Variants in RUNX3 observed in about 807,000 individuals in gnomAD.
RUNX3 encodes the protein RUNX family transcription factor 3.
In RUNX3, 10 loss-of-function variants were observed where a neutral mutation model predicts 27.7. The observed-to-expected ratio is 0.36, with a 90% confidence interval of 0.22 to 0.61. RUNX3 has a LOEUF of 0.61. RUNX3 is among the 20% of genes least tolerant of loss of function. RUNX3 has a pLI of 0.72. For synonymous variants in RUNX3, 270 were observed against 269.2 expected, an observed-to-expected ratio of 1.00 and a Z score of -0.03; for missense variants, 469 against 629.5, an observed-to-expected ratio of 0.75 and a Z score of 2.73.
intron 3 of RUNX3, among the ~76,000 whole-genome samples, chr1:24,912,097 G>T (rs1162325175): frequency 6.6e-6 from 1 of 152,216 alleles, no homozygotes; most frequent in East Asian, 1.9e-4. Context: ...GAGGAAAGAA[G>T]ATGGTCTTCA....
intron 2 of RUNX3, among the ~76,000 whole-genome samples, chr1:24,945,751 C>T (rs1641590601): frequency 6.6e-6 from 1 of 152,164 alleles, no homozygotes; most frequent in African/African-American, 2.4e-5. Context: ...GGTTCCTTTT[C>T]AGGGTATGTG....
Position 24,927,745 on chromosome 1 carries a change from C to CG in RUNX3, c.283-16dup, listed in dbSNP as rs1038939161. On this transcript the variant is annotated splice_polypyrimidine_tract_variant and intron_variant, in intron 1 of 4. Coordinates refer to ENST00000308873, the MANE Select transcript of RUNX3 (RefSeq NM_004350.3). The surrounding 1 kb of genome is among the most constrained non-coding windows in gnomAD (Gnocchi z 5.0). ...AATGCCACCACCTGAAGACACGGGG[C>CG]GGGGGGATGCAGGGGGACAGCTTAG... 2 of 1,543,992 alleles carry CG rather than the reference C, an allele frequency of 1.3e-6. No homozygotes were observed. The highest frequency in any genetic ancestry group is 1.8e-6 in the Non-Finnish European group (2 of 1,137,734).
intron 3 of RUNX3, among the ~76,000 whole-genome samples, chr1:24,913,299 T>C (rs1020462216): frequency 6.6e-6 from 1 of 152,198 alleles, no homozygotes; most frequent in Non-Finnish European, 1.5e-5. Flanking sequence ...CCCTCACTTA[T>C]GGGAGGGCAG....
chr1:24,939,618 G>A (rs79175418), intron 2 of RUNX3, among the ~76,000 whole-genome samples: 6,825 of 152,324 alleles, frequency 0.045, 204 homozygotes, highest in South Asian at 0.076. Flanking sequence ...GCAGCTCTGG[G>A]AGGAGTCGAA....
At chr1:24,922,837 A>G (rs1317363599) in intron 2 of RUNX3, among the ~76,000 whole-genome samples, 1 of 149,616 alleles carries the variant, frequency 6.7e-6, no homozygotes, top group East Asian at 2.0e-4. Flanking sequence ...GAAGTATCAC[A>G]GGCCCTACCA....
intron 1 of RUNX3, chr1:24,928,768 TCCCA>T: frequency 4.2e-6 from 1 of 239,536 alleles, no homozygotes; most frequent in Non-Finnish European, 8.4e-6. Context: ...TTCCTTTTTT[TCCCA>T]TTTAGAGTCG....
Position 24,916,814 on chromosome 1 carries a change from G to A in RUNX3, c.544+2426C>T, listed in dbSNP as rs1300775372. ...GCCGCTGCCGGGGCCCAGAGAGGGA[G>A]GTCACCTGTCTCAGGTGGTGCAGCA... is the stretch of plus-strand genomic sequence containing the variant. On this transcript the variant is annotated intron_variant, in intron 3 of 4. Transcript: ENST00000308873. The surrounding 1 kb of genome is among the most constrained non-coding windows in gnomAD (Gnocchi z 4.8). Among the ~76,000 whole-genome samples, 1 of 152,138 alleles carries A rather than the reference G, an allele frequency of 6.6e-6. No homozygotes were observed. Among genetic ancestry groups the A allele is most frequent in the East Asian group, 1.9e-4 (1 of 5,180 alleles).
At chr1:24,909,108 G>A (rs1436505985) in intron 3 of RUNX3, among the ~76,000 whole-genome samples, 5 of 152,200 alleles carry the variant, frequency 3.3e-5, no homozygotes, top group Non-Finnish European at 7.3e-5. Flanking sequence ...GGTGCTGGGA[G>A]GGTCAAGGTG....
At chr1:24,930,624 C>G (rs1235160621), upstream of RUNX3, among the ~76,000 whole-genome samples, 1 of 151,926 alleles carries the variant, frequency 6.6e-6, no homozygotes, top group African/African-American at 2.4e-5. This position sits in a 1 kb window ranked among gnomAD's most constrained non-coding sequence, Gnocchi z 4.1. Flanking sequence ...CGCTCCTCCT[C>G]CCCGCTGGCC....
intron 3 of RUNX3, among the ~76,000 whole-genome samples, chr1:24,912,572 A>G (rs1281093315): frequency 6.6e-6 from 1 of 152,030 alleles, no homozygotes; most frequent in East Asian, 1.9e-4. Flanking sequence ...GCAGGAGTGG[A>G]AATCATCAAA....
In RUNX3 at chr1:24,929,873, G is replaced by T; in HGVS notation, c.-5C>A. The T allele has an allele frequency of 7.8e-7, 1 of 1,287,178 alleles. No individual in the cohort carries two copies. Among genetic ancestry groups the T allele is most frequent in the Non-Finnish European group, 9.8e-7 (1 of 1,020,756 alleles). 79.7% of individuals were successfully genotyped at this position (1,287,178 alleles called of 1,614,324 possible). ...TGGGTCTACGGGAATACGCATAACA[G>T]CGGCCGTCAGGGCGCCGGGCAGGCG... On this transcript the variant is annotated 5_prime_UTR_variant, in exon 1 of 5. The change creates a new upstream start codon in the 5' untranslated region. Coordinates refer to ENST00000308873, the MANE Select transcript of RUNX3 (RefSeq NM_004350.3).
At chr1:24,946,798 G>A (rs903178293) in intron 2 of RUNX3, among the ~76,000 whole-genome samples, 3 of 152,102 alleles carry the variant, frequency 2.0e-5, no homozygotes, top group Non-Finnish European at 2.9e-5. Context: ...CACTCCCACT[G>A]GCAGCCTGGA....
chr1:24,940,100 T>C (rs926202156), intron 2 of RUNX3, among the ~76,000 whole-genome samples: 1 of 152,184 alleles, frequency 6.6e-6, no homozygotes, highest in Non-Finnish European at 1.5e-5. Context: ...CTGGCAGATC[T>C]ATGAAGAGCT....
chr1:24,964,788 G>T, intron 1 of RUNX3: 1 of 1,226,920 alleles, frequency 8.2e-7, no homozygotes, highest in Non-Finnish European at 1.1e-6. Flanking sequence ...GTGTGTGTGA[G>T]TGAGAGAGAG....
At chr1:24,938,300 C>G (rs1022351779) in intron 2 of RUNX3, among the ~76,000 whole-genome samples, 1 of 152,226 alleles carries the variant, frequency 6.6e-6, no homozygotes, top group Non-Finnish European at 1.5e-5. Context: ...CTTCAACATT[C>G]TAGAATTCCA....
At chr1:24,921,465 GA>G (rs1472280526) in intron 2 of RUNX3, among the ~76,000 whole-genome samples, 1 of 152,204 alleles carries the variant, frequency 6.6e-6, no homozygotes, top group Non-Finnish European at 1.5e-5. Flanking sequence ...CTGAGGCAGG[GA>G]TAGAAATTCT....
upstream of RUNX3, among the ~76,000 whole-genome samples, chr1:24,930,515 A>C (rs541421484): frequency 1.1e-3 from 170 of 151,978 alleles, 1 homozygote; most frequent in South Asian, 4.8e-3. The surrounding 1 kb of genome is among the most constrained non-coding windows in gnomAD (Gnocchi z 4.1). Flanking sequence ...AGCCCGGGGC[A>C]AATGCTAGAA....
chr1:24,927,427 A>G lies in RUNX3; in HGVS notation c.439+147T>C. ...TCACCTCCTCAAAGCGATCTGTAAT[A>G]TCCTACAGGATTACAAATTGCTGTT... is the stretch of plus-strand genomic sequence containing the variant. On this transcript the variant is annotated intron_variant, in intron 2 of 4. Transcript: ENST00000308873. The surrounding 1 kb of genome is among the most constrained non-coding windows in gnomAD (Gnocchi z 5.0). 1.4e-6 allele frequency: 1 copy of G among 734,866 alleles called. No homozygotes were observed. Among genetic ancestry groups the G allele is most frequent in the Non-Finnish European group, 2.3e-6 (1 of 430,184 alleles). 45.5% of individuals were successfully genotyped at this position (734,866 alleles called of 1,614,324 possible).
At chr1:24,934,561 G>C (rs1284993967), upstream of RUNX3, among the ~76,000 whole-genome samples, 1 of 152,180 alleles carries the variant, frequency 6.6e-6, no homozygotes, top group African/African-American at 2.4e-5. Flanking sequence ...GGGTGCTGAG[G>C]CTTTACCTTG....
Sources: gnomAD v4.1 joint callset for allele counts (sites outside exome capture counted in the v4.1 genomes callset) on GRCh38, gnomAD v4.1.1 for gene constraint, Gnocchi (gnomAD v3.1) non-coding constraint, MANE v1.5 for transcripts, NCBI Gene and HGNC (gene_info 2026-07-23, HGNC 2026-07-21) for gene names.